FNIP1: variants seen among roughly 807,000 people sequenced by gnomAD.
The protein encoded by FNIP1 is folliculin interacting protein 1.
Under a neutral mutation model 124.5 loss-of-function variants are expected in FNIP1, and 40 were observed. The ratio of observed to expected loss-of-function variants is 0.32; its 90% CI spans 0.25 to 0.42. FNIP1 has a LOEUF of 0.42. Among genes scored for constraint, FNIP1 ranks in the 10% least tolerant of loss-of-function variants. The probability of loss-of-function intolerance (pLI) is 1.00; values close to 1 mark genes in which losing one functional copy is unlikely to be tolerated. For missense variants in FNIP1, 1,176 were observed against 1,403.7 expected, an observed-to-expected ratio of 0.84 and a Z score of 2.59; for synonymous variants, 472 against 470.6, an observed-to-expected ratio of 1.00 and a Z score of -0.04.
chr5:131,749,392 CTT>C (rs1330566507), intron 1 of FNIP1, among the ~76,000 whole-genome samples: 32 of 133,044 alleles, frequency 2.4e-4, no homozygotes, highest in Non-Finnish European at 2.6e-4. Flanking sequence ...CACTTTTTAT[CTT>C]TTTTTTTTTT....
Position 131,706,561 on chromosome 5 carries a change from G to A in FNIP1, c.779-15C>T. The A allele has an allele frequency of 1.3e-6, 2 of 1,547,802 alleles. No individual in the cohort carries two copies. The highest frequency in any genetic ancestry group is 1.2e-5 in the South Asian group (1 of 80,362). On this transcript the variant is annotated splice_polypyrimidine_tract_variant and intron_variant, in intron 8 of 17. Coordinates refer to ENST00000510461, the MANE Select transcript of FNIP1 (RefSeq NM_133372.3). ...GCTGAGAGATGCTGTTAAGTCAGAA[G>A]AACAACAAGTATAAGTCAATAATGA...
At position 131,644,172 on chromosome 5, in the gene FNIP1, T is replaced by C. The variant is rs1766800574; in HGVS notation, c.*513A>G. 1 of 152,514 alleles carries C rather than the reference T, an allele frequency of 6.6e-6. No individual in the cohort carries two copies. The highest frequency in any genetic ancestry group is 1.5e-5 in the Non-Finnish European group (1 of 68,160). The allele number at this position is 152,514 out of a possible 1,614,324, so 9.4% of individuals were successfully genotyped here. A position where few individuals can be genotyped will look rare whatever the true frequency, so the allele number is the denominator to read the frequency against. On this transcript the variant is annotated 3_prime_UTR_variant, in exon 18 of 18. Coordinates refer to ENST00000510461, the MANE Select transcript of FNIP1 (RefSeq NM_133372.3). ...TACACTCATTATTCTGAGTTTCTTA[T>C]AATTAACAGGCTGTTTAAAATACTT...
Position 131,778,848 on chromosome 5 carries a change from G to C in FNIP1, c.92+17982C>G, listed in dbSNP as rs1422464399. Among the ~76,000 whole-genome samples, 43 of 139,426 alleles carry C rather than the reference G, an allele frequency of 3.1e-4. No individual in the cohort carries two copies. In the East Asian group the frequency reaches 7.5e-3, roughly 24 times the overall value. 91.5% of individuals were successfully genotyped at this position (139,426 alleles called of 152,430 possible). A position where few individuals can be genotyped will look rare whatever the true frequency, so the allele number is the denominator to read the frequency against. ...AGGATGAGTTCATGTCGTTTGTAGGGACATGGATGAAATTGGAAACCATCA... is the reference window on the plus strand; with the variant it reads ...AGGATGAGTTCATGTCGTTTGTAGGCACATGGATGAAATTGGAAACCATCA... On this transcript the variant is annotated intron_variant, in intron 1 of 17. Transcript: ENST00000510461.
At position 131,733,204 on chromosome 5, in the gene FNIP1, C is replaced by G. The variant is rs533428853; in HGVS notation, c.220-2166G>C. On this transcript the variant is annotated intron_variant, in intron 2 of 17. Transcript: ENST00000510461. ...TGTATCCTGAGACTTTGCTGAAGTT[C>G]CTTATCAGCTTAAGGAGATTTTGGG... Among the ~76,000 whole-genome samples the G allele has an allele frequency of 6.2e-4, 95 of 152,090 alleles. 2 individuals are homozygous for G. Among genetic ancestry groups the G allele is most frequent in the African/African-American group, 2.2e-4 (9 of 41,480 alleles).
At chr5:131,654,394 C>T (rs74657616) in intron 15 of FNIP1, among the ~76,000 whole-genome samples, 222 of 152,264 alleles carry the variant, frequency 1.5e-3, no homozygotes, top group African/African-American at 5.1e-3. Flanking sequence ...AATGTTACTA[C>T]AATTAGGATA....
rs70974007 is a variant in FNIP1 at position 131,693,333 on chromosome 5, CATATATAT to C, written c.1202+5576_1202+5583del. The stretch of plus-strand genomic sequence containing the variant: ...ATATATATACACATATATATATATA[CATATATAT>C]ATATATATATATATATATATAGTTA... On this transcript the variant is annotated intron_variant, in intron 11 of 17. Transcript: ENST00000510461. Among the ~76,000 whole-genome samples the C allele has an allele frequency of 2.2e-3, 112 of 50,154 alleles. 3 individuals carry two copies. Among genetic ancestry groups the C allele is most frequent in the African/African-American group, 6.6e-3 (97 of 14,716 alleles). The allele number at this position is 50,154 out of a possible 152,430, so 32.9% of individuals were successfully genotyped here. A position where few individuals can be genotyped will look rare whatever the true frequency, so the allele number is the denominator to read the frequency against.
At chr5:131,646,392 T>G (rs1055157339) in intron 17 of FNIP1, among the ~76,000 whole-genome samples, 2 of 152,224 alleles carry the variant, frequency 1.3e-5, no homozygotes, top group Admixed American at 6.5e-5. Flanking sequence ...AAAATTTTCA[T>G]GTGGTTTGAC....
At chr5:131,773,542 C>T (rs1250334651) in intron 1 of FNIP1, among the ~76,000 whole-genome samples, 2 of 152,124 alleles carry the variant, frequency 1.3e-5, no homozygotes, top group Non-Finnish European at 2.9e-5. Context: ...TATAAGGTTC[C>T]TATAACTTTG....
intron 15 of FNIP1, among the ~76,000 whole-genome samples, chr5:131,662,932 G>A (rs551991603): frequency 3.3e-5 from 5 of 151,938 alleles, no homozygotes; most frequent in East Asian, 3.9e-4. Context: ...TAGTGGAGAC[G>A]GGGTTTTGCC....
chr5:131,678,893 A>G, intron 12 of FNIP1, 136 bp downstream of exon 12: 1 of 628,958 alleles, frequency 1.6e-6, no homozygotes, highest in Non-Finnish European at 2.6e-6. Context: ...CTATCATTTA[A>G]TTATTTTTTA....
At chr5:131,783,646 G>A (rs1334806079) in intron 1 of FNIP1, among the ~76,000 whole-genome samples, 3 of 151,744 alleles carry the variant, frequency 2.0e-5, no homozygotes, top group Non-Finnish European at 4.4e-5. Flanking sequence ...AAATCATGAG[G>A]TACATCACTG....
intron 11 of FNIP1, among the ~76,000 whole-genome samples, chr5:131,687,836 A>T (rs563928212): frequency 2.0e-5 from 3 of 152,322 alleles, no homozygotes; most frequent in African/African-American, 7.2e-5. Flanking sequence ...CTTTCATGGG[A>T]TACTACCATA....
At chr5:131,650,549 T>A (rs1767010447) in intron 16 of FNIP1, among the ~76,000 whole-genome samples, 1 of 152,236 alleles carries the variant, frequency 6.6e-6, no homozygotes, top group Admixed American at 6.5e-5. Flanking sequence ...TACGAGAAGA[T>A]CATGTCATCT....
intron 2 of FNIP1, among the ~76,000 whole-genome samples, chr5:131,741,228 G>C (rs1278927722): frequency 6.6e-6 from 1 of 151,944 alleles, no homozygotes; most frequent in Non-Finnish European, 1.5e-5. Flanking sequence ...ACTTCTTTAA[G>C]ATCACTACAC....
intron 2 of FNIP1, among the ~76,000 whole-genome samples, chr5:131,742,276 C>T (rs1770537096): frequency 6.6e-6 from 1 of 152,138 alleles, no homozygotes; most frequent in Admixed American, 6.6e-5. Flanking sequence ...CCAGTCTGGC[C>T]AACAAGGCGA....
At chr5:131,774,259 C>G (rs1230863704) in intron 1 of FNIP1, among the ~76,000 whole-genome samples, 2 of 152,140 alleles carry the variant, frequency 1.3e-5, no homozygotes, top group East Asian at 3.9e-4. Context: ...AACTCTTGGC[C>G]TCAATCCATC....
intron 15 of FNIP1, among the ~76,000 whole-genome samples, chr5:131,662,302 A>C (rs1290841973): frequency 2.6e-5 from 4 of 152,070 alleles, no homozygotes; most frequent in Admixed American, 6.5e-5. Context: ...CTAATGTAAA[A>C]AGAAAGGAAA....
At chr5:131,761,440 C>T (rs1451981034) in intron 1 of FNIP1, among the ~76,000 whole-genome samples, 1 of 152,108 alleles carries the variant, frequency 6.6e-6, no homozygotes, top group Non-Finnish European at 1.5e-5. Context: ...AAAAAGTCAA[C>T]ATACAAAAAT....
At position 131,706,628 on chromosome 5, in the gene FNIP1, A is replaced by C. The variant is rs1769123268; in HGVS notation, c.779-82T>G. Reference sequence around the variant, plus strand: ...ATTTCTTTTTAACAAAATTACAAATAGGTTAAGTTAAACTTTATTTTGCTT... The same window carrying C: ...ATTTCTTTTTAACAAAATTACAAATCGGTTAAGTTAAACTTTATTTTGCTT... On this transcript the variant is annotated intron_variant, in intron 8 of 17. Coordinates refer to ENST00000510461, the MANE Select transcript of FNIP1 (RefSeq NM_133372.3). The C allele has an allele frequency of 7.5e-6, 10 of 1,328,404 alleles. No individual in the cohort carries two copies. The Admixed American group carries it at 1.4e-4, about 19-fold the overall frequency. The allele number at this position is 1,328,404 out of a possible 1,614,324, so 82.3% of individuals were successfully genotyped here.
Sources: gnomAD v4.1 joint callset for allele counts (sites outside exome capture counted in the v4.1 genomes callset) on GRCh38, gnomAD v4.1.1 for gene constraint, MANE v1.5 for transcripts, NCBI Gene and HGNC (gene_info 2026-07-23, HGNC 2026-07-21) for gene names.